RAB8A: variants seen among roughly 807,000 people sequenced by gnomAD.
The protein encoded by RAB8A is RAB8A, member RAS oncogene family.
A neutral mutation model predicts 29.2 loss-of-function variants in RAB8A; 5 were observed. The ratio of observed to expected loss-of-function variants is 0.17; its 90% CI spans 0.09 to 0.36. The LOEUF (loss-of-function observed/expected upper bound fraction) is 0.36. Among genes scored for constraint, RAB8A ranks in the 10% least tolerant of loss-of-function variants. RAB8A has a pLI of 1.00. For missense variants in RAB8A, 171 were observed against 272.2 expected (o/e 0.63, Z 2.62); for synonymous variants, 108 against 99.9 (o/e 1.08, Z -0.49).
rs2090935232 is a variant in RAB8A at position 16,133,018 on chromosome 19, A to G, written c.*714A>G. The G allele has an allele frequency of 6.6e-6, 1 of 152,598 alleles. No homozygotes were observed. The highest frequency in any genetic ancestry group is 1.5e-5 in the Non-Finnish European group (1 of 68,056). 9.5% of individuals were successfully genotyped at this position (152,598 alleles called of 1,614,324 possible). On this transcript the variant is annotated 3_prime_UTR_variant, in exon 8 of 8. Transcript: ENST00000300935. ...CGTCTGCGGTCCCCATCGAGCATCAAGGGGACGCTGTGTGTGCTGCAAGTG... is the reference window on the plus strand; with the variant it reads ...CGTCTGCGGTCCCCATCGAGCATCAGGGGGACGCTGTGTGTGCTGCAAGTG...
In RAB8A at chr19:16,125,322, G is replaced by C; in HGVS notation, c.247-148G>C. On this transcript the variant is annotated intron_variant, in intron 3 of 7. Transcript: ENST00000300935. The surrounding 1 kb of genome is among the most constrained non-coding windows in gnomAD (Gnocchi z 5.0). ...TGGAGAGGAGGGGGCTGGCTTCCGGGGCTCCACAGAGGTGGGGAGGGCGGC... is the reference window on the plus strand; with the variant it reads ...TGGAGAGGAGGGGGCTGGCTTCCGGCGCTCCACAGAGGTGGGGAGGGCGGC... 1 of 671,944 alleles carries C rather than the reference G, an allele frequency of 1.5e-6. No homozygotes were observed. The highest frequency in any genetic ancestry group is 2.7e-5 in the East Asian group (1 of 36,752). 41.6% of individuals were successfully genotyped at this position (671,944 alleles called of 1,614,324 possible). A position where few individuals can be genotyped will look rare whatever the true frequency, so the allele number is the denominator to read the frequency against.
chr19:16,127,489 A>C lies in RAB8A; in HGVS notation c.377A>C (p.Asn126Thr). 6.5e-7 allele frequency: 1 copy of C among 1,540,158 alleles called. No individual in the cohort carries two copies. The highest frequency in any genetic ancestry group is 8.7e-7 in the Non-Finnish European group (1 of 1,147,590). Reference protein sequence around the residue: ...KMILGNKCDVNDKRQVSKERG... With the variant: ...KMILGNKCDVTDKRQVSKERG... Reference sequence around the variant, plus strand: ...ATACTCGGGAACAAGTGTGATGTGAATGACAAGAGACAAGTTTCCAAGGAA... The same window carrying C: ...ATACTCGGGAACAAGTGTGATGTGACTGACAAGAGACAAGTTTCCAAGGAA... Residue 126 changes from asparagine (N) to threonine (T), a missense_variant, in exon 5 of 8, where the codon AAT (asparagine) becomes ACT (threonine). Physicochemically the swap from Asn to Thr is moderately conservative, Grantham distance 65 (BLOSUM62 0). Coordinates refer to ENST00000300935, the MANE Select transcript of RAB8A (RefSeq NM_005370.5). The surrounding 1 kb of genome is among the most constrained non-coding windows in gnomAD (Gnocchi z 4.8).
chr19:16,114,041 G>A (rs948710225), intron 1 of RAB8A, among the ~76,000 whole-genome samples: 3 of 152,088 alleles, frequency 2.0e-5, no homozygotes, highest in African/African-American at 7.2e-5. Flanking sequence ...TAATTCTTGT[G>A]CTCCAACCAA....
In RAB8A at chr19:16,122,671, G is replaced by A. The variant is rs141271301; in HGVS notation, c.246+861G>A. ...TGGTCCCTGCCATCTGCCTGGCCCC[G>A]GGGAACCTGCTGGGTCTGCAGTAGT... On this transcript the variant is annotated intron_variant, in intron 3 of 7. Transcript: ENST00000300935. The surrounding 1 kb of genome is among the most constrained non-coding windows in gnomAD (Gnocchi z 4.7). Among the ~76,000 whole-genome samples, 5 of 152,290 alleles carry A rather than the reference G, an allele frequency of 3.3e-5. No individual in the cohort carries two copies. Among genetic ancestry groups the A allele is most frequent in the Non-Finnish European group, 5.9e-5 (4 of 68,022 alleles).
Position 16,127,313 on chromosome 19 carries a change from G to C in RAB8A, c.325-124G>C, listed in dbSNP as rs2090906477. ...TCTCTGAGCTTCAGCTTGTCCCTTA[G>C]ACCAGGCTGTACCTAGCAGTCCTGA... is the stretch of plus-strand genomic sequence containing the variant. On this transcript the variant is annotated intron_variant, in intron 4 of 7. Transcript: ENST00000300935. This position sits in a 1 kb window ranked among gnomAD's most constrained non-coding sequence, Gnocchi z 4.8. 3.9e-6 allele frequency: 2 copies of C among 509,900 alleles called. No individual in the cohort carries two copies. The highest frequency in any genetic ancestry group is 6.4e-6 in the Non-Finnish European group (2 of 312,720). The allele number at this position is 509,900 out of a possible 1,614,324, so 31.6% of individuals were successfully genotyped here.
intron 3 of RAB8A, among the ~76,000 whole-genome samples, chr19:16,123,285 C>T (rs1017731340): frequency 6.6e-6 from 1 of 152,200 alleles, no homozygotes. Flanking sequence ...CCACTGGCTG[C>T]ATGTGGCTAT....
At position 16,127,915 on chromosome 19, in the gene RAB8A, C is replaced by A; in HGVS notation, c.415-111C>A. On this transcript the variant is annotated intron_variant, in intron 5 of 7. Transcript: ENST00000300935. The surrounding 1 kb of genome is among the most constrained non-coding windows in gnomAD (Gnocchi z 4.8). ...CAGGAAGTCACGCCCACAGCCCCAGCCCTGTTGCTGCTCCCTCTTGGCGCC... is the reference window on the plus strand; with the variant it reads ...CAGGAAGTCACGCCCACAGCCCCAGACCTGTTGCTGCTCCCTCTTGGCGCC... 9.2e-7 allele frequency: 1 copy of A among 1,083,760 alleles called. No individual in the cohort carries two copies. Among genetic ancestry groups the A allele is most frequent in the South Asian group, 1.3e-5 (1 of 78,102 alleles). The allele number at this position is 1,083,760 out of a possible 1,614,324, so 67.1% of individuals were successfully genotyped here.
In RAB8A at chr19:16,125,405, C is replaced by A; in HGVS notation, c.247-65C>A. 1.4e-6 allele frequency: 2 copies of A among 1,413,634 alleles called. No homozygotes were observed. The highest frequency in any genetic ancestry group is 9.9e-7 in the Non-Finnish European group (1 of 1,008,802). The allele number at this position is 1,413,634 out of a possible 1,614,324, so 87.6% of individuals were successfully genotyped here. A position where few individuals can be genotyped will look rare whatever the true frequency, so the allele number is the denominator to read the frequency against. Reference sequence around the variant, plus strand: ...GGCTCCCCACCACTGTTCTCTGGTGCCGCTGAGGCCTCCCTTCCAGAGCCT... The same window carrying A: ...GGCTCCCCACCACTGTTCTCTGGTGACGCTGAGGCCTCCCTTCCAGAGCCT... On this transcript the variant is annotated intron_variant, in intron 3 of 7. Coordinates refer to ENST00000300935, the MANE Select transcript of RAB8A (RefSeq NM_005370.5). The surrounding 1 kb of genome is among the most constrained non-coding windows in gnomAD (Gnocchi z 5.0).
intron 3 of RAB8A, 80 bp downstream of exon 3, chr19:16,121,890 C>A: frequency 7.2e-7 from 1 of 1,384,660 alleles, no homozygotes; most frequent in Non-Finnish European, 1.0e-6. Flanking sequence ...TTACCGAAGC[C>A]TAGATGTTTC....
chr19:16,131,770 T>C (rs1306731808), intron 7 of RAB8A, among the ~76,000 whole-genome samples: 5 of 150,636 alleles, frequency 3.3e-5, no homozygotes, highest in Admixed American at 2.0e-4. Context: ...GGTTGATTGG[T>C]TTGTTGGTTG....
At chr19:16,114,946 A>G (rs768744983) in intron 1 of RAB8A, among the ~76,000 whole-genome samples, 1 of 152,080 alleles carries the variant, frequency 6.6e-6, no homozygotes, top group Non-Finnish European at 1.5e-5. Flanking sequence ...TAAATTTGGC[A>G]TGTTAATAAA....
chr19:16,124,311 T>G (rs2090888083), intron 3 of RAB8A: 2 of 152,280 alleles, frequency 1.3e-5, no homozygotes, highest in South Asian at 4.1e-4. Flanking sequence ...GTGTCGTTTT[T>G]GTCCCACACT....
chr19:16,134,188 G>T lies in RAB8A; in HGVS notation c.*1884G>T, dbSNP rs1198120063. 1 of 152,276 alleles carries T rather than the reference G, an allele frequency of 6.6e-6. No homozygotes were observed. The highest frequency in any genetic ancestry group is 1.5e-5 in the Non-Finnish European group (1 of 68,104). The allele number at this position is 152,276 out of a possible 1,614,324, so 9.4% of individuals were successfully genotyped here. ...GCATCCAGAATCCTCTCACAGTGGG[G>T]TCACACACCCCATGCTTAACTCCCC... On this transcript the variant is annotated 3_prime_UTR_variant, in exon 8 of 8. Transcript: ENST00000300935.
At chr19:16,117,365 TGTG>T (rs2090850750) in intron 1 of RAB8A, among the ~76,000 whole-genome samples, 2 of 151,904 alleles carry the variant, frequency 1.3e-5, no homozygotes, top group African/African-American at 2.4e-5. Flanking sequence ...GGCAGGCACC[TGTG>T]GTCCCAGCTA....
Position 16,128,153 on chromosome 19 carries a change from G to C in RAB8A, c.480+62G>C, listed in dbSNP as rs75594350. ...CAGGATCGGCCCCTTCAGGCTAAAG[G>C]GGGAGCTGGCGTCCTCCGAGGAGGT... On this transcript the variant is annotated intron_variant, in intron 6 of 7. Transcript: ENST00000300935. 9.4e-5 allele frequency: 148 copies of C among 1,566,492 alleles called. No homozygotes were observed. The African/African-American group carries it at 1.7e-3, about 18-fold the overall frequency.
chr19:16,119,122 A>G (rs2090860845), intron 2 of RAB8A, among the ~76,000 whole-genome samples: 1 of 152,150 alleles, frequency 6.6e-6, no homozygotes, highest in Non-Finnish European at 1.5e-5. Flanking sequence ...CTCAAGTCTC[A>G]AAGTTTGACC....
chr19:16,112,617 G>A (rs977742383), intron 1 of RAB8A: 2 of 157,162 alleles, frequency 1.3e-5, no homozygotes, highest in African/African-American at 4.8e-5. Context: ...GAACCTGGCT[G>A]TGTCTCAACC....
At chr19:16,123,822 G>T (rs1450023185) in intron 3 of RAB8A, 4 of 152,070 alleles carry the variant, frequency 2.6e-5, no homozygotes, top group Admixed American at 6.6e-5. Context: ...GATGCCTAGA[G>T]ACCCATGGTG....
At position 16,125,611 on chromosome 19, in the gene RAB8A, A is replaced by G. The variant is rs556821277; in HGVS notation, c.324+64A>G. On this transcript the variant is annotated intron_variant, in intron 4 of 7. Transcript: ENST00000300935. The surrounding 1 kb of genome is among the most constrained non-coding windows in gnomAD (Gnocchi z 5.0). ...TCCTTGTCCCAGAGCCCTCTGGTTT[A>G]CTCATGAGAAGGCCAAGGTGCAGAG... 146 of 1,491,752 alleles carry G rather than the reference A, an allele frequency of 9.8e-5. 1 individual carries two copies. The East Asian group carries it at 3.3e-3, about 34-fold the overall frequency. The allele number at this position is 1,491,752 out of a possible 1,614,324, so 92.4% of individuals were successfully genotyped here. A position where few individuals can be genotyped will look rare whatever the true frequency, so the allele number is the denominator to read the frequency against.
Sources: allele counts gnomAD v4.1 joint callset (sites outside exome capture counted in the v4.1 genomes callset), GRCh38; gene constraint gnomAD v4.1.1; non-coding constraint Gnocchi (gnomAD v3.1); transcripts MANE v1.5; gene names NCBI Gene and HGNC (gene_info 2026-07-23, HGNC 2026-07-21).